Variants in EDIL3 observed in about 807,000 individuals in gnomAD.
EDIL3 encodes EGF like and discoidin domains 3, also known as EGF-like repeat and discoidin I-like domain-containing protein 3.
EDIL3 carries 37 observed loss-of-function variants against 67.4 expected under a neutral mutation model. That is an observed-to-expected ratio of 0.55 (90% confidence interval 0.42 to 0.72). The LOEUF (loss-of-function observed/expected upper bound fraction) is 0.72, where lower values mean the gene tolerates loss of function less well. Among genes scored for constraint, EDIL3 ranks in the 30% least tolerant of loss-of-function variants. The pLI is 0.00. For synonymous variants in EDIL3, 195 were observed against 196.3 expected (o/e 0.99, Z 0.05); for missense variants, 527 against 586.3 (o/e 0.90, Z 1.04).
intron 1 of EDIL3, 81 bp downstream of exon 1, chr5:84,384,227 C>A (rs1482879015): frequency 1.3e-6 from 2 of 1,503,426 alleles, no homozygotes; most frequent in African/African-American, 2.8e-5. Flanking sequence ...CCGGAGGGAC[C>A]GCCTCCGGCC....
intron 2 of EDIL3, among the ~76,000 whole-genome samples, chr5:84,236,855 G>T (rs567578996): frequency 6.6e-6 from 1 of 151,498 alleles, no homozygotes; most frequent in East Asian, 1.9e-4. Context: ...CAAATAAAAC[G>T]AAGAAACTTG....
chr5:84,048,536 G>T (rs1255909806), intron 9 of EDIL3, among the ~76,000 whole-genome samples: 1 of 151,872 alleles, frequency 6.6e-6, no homozygotes, highest in Non-Finnish European at 1.5e-5. Flanking sequence ...CTACTAATTT[G>T]GTTGAAATAC....
At chr5:84,309,290 T>G (rs1746332695) in intron 1 of EDIL3, among the ~76,000 whole-genome samples, 1 of 151,642 alleles carries the variant, frequency 6.6e-6, no homozygotes, top group Admixed American at 6.6e-5. Context: ...ATAAATGTTT[T>G]TCCTCTTTCT....
chr5:84,089,546 T>G (rs1747127904), intron 6 of EDIL3, among the ~76,000 whole-genome samples: 1 of 152,206 alleles, frequency 6.6e-6, no homozygotes, highest in South Asian at 2.1e-4. Flanking sequence ...ATTCAACAAT[T>G]ATTCCATTAA....
chr5:84,021,636 A>T (rs1294459937), intron 9 of EDIL3, among the ~76,000 whole-genome samples: 5 of 151,954 alleles, frequency 3.3e-5, no homozygotes. Context: ...GTCTATCAAG[A>T]ATGTTCTATG....
At chr5:84,205,039 T>A (rs1303545069) in intron 3 of EDIL3, among the ~76,000 whole-genome samples, 3 of 151,296 alleles carry the variant, frequency 2.0e-5, no homozygotes, top group Non-Finnish European at 2.9e-5. Context: ...CAGCCTCCCA[T>A]GTAGCTGGGA....
At chr5:83,964,088 C>T (rs959488143) in intron 9 of EDIL3, among the ~76,000 whole-genome samples, 1 of 151,640 alleles carries the variant, frequency 6.6e-6, no homozygotes, top group Admixed American at 6.6e-5. Flanking sequence ...GAGCATGAGA[C>T]CCATGAAAAT....
chr5:84,122,335 C>T (rs1370470084), intron 5 of EDIL3, among the ~76,000 whole-genome samples: 4 of 151,886 alleles, frequency 2.6e-5, no homozygotes, highest in Non-Finnish European at 4.4e-5. Context: ...GCATTTTGGC[C>T]TTAAAACAAC....
chr5:84,046,781 G>T (rs1002683656), intron 9 of EDIL3, among the ~76,000 whole-genome samples: 1 of 152,146 alleles, frequency 6.6e-6, no homozygotes, highest in South Asian at 2.1e-4. Flanking sequence ...AAATTCATTT[G>T]CACACACAGG....
At chr5:84,148,782 C>G (rs1205984145) in intron 4 of EDIL3, among the ~76,000 whole-genome samples, 2 of 152,080 alleles carry the variant, frequency 1.3e-5, no homozygotes, top group African/African-American at 4.8e-5. Context: ...GCTAAAAATG[C>G]TGTCTCCAAG....
chr5:84,090,506 T>A (rs1223508088), intron 6 of EDIL3, among the ~76,000 whole-genome samples: 1 of 152,190 alleles, frequency 6.6e-6, no homozygotes, highest in African/African-American at 2.4e-5. Context: ...CCGTTATGTG[T>A]TCCCCTGGGT....
intron 1 of EDIL3, among the ~76,000 whole-genome samples, chr5:84,371,951 T>C (rs1747864460): frequency 6.6e-6 from 1 of 152,152 alleles, no homozygotes; most frequent in Non-Finnish European, 1.5e-5. Context: ...ATGGATCCCA[T>C]CACTTTTTGA....
intron 4 of EDIL3, among the ~76,000 whole-genome samples, chr5:84,158,080 T>C (rs188768124): frequency 1.3e-5 from 2 of 152,208 alleles, no homozygotes; most frequent in Admixed American, 6.5e-5. Context: ...TTTTGTTATA[T>C]ATGAGGAAAG....
chr5:84,354,317 A>T (rs1561266388), intron 1 of EDIL3, among the ~76,000 whole-genome samples: 1 of 152,066 alleles, frequency 6.6e-6, no homozygotes, highest in Non-Finnish European at 1.5e-5. Context: ...GCTAAAAATA[A>T]TTTTTTAATA....
intron 1 of EDIL3, among the ~76,000 whole-genome samples, chr5:84,317,603 T>C (rs1746541924): frequency 1.3e-5 from 2 of 152,110 alleles, no homozygotes; most frequent in Admixed American, 6.5e-5. Context: ...CAATAATTAA[T>C]AGCCTACCAA....
In EDIL3 at chr5:84,384,320, G is replaced by A; in HGVS notation, c.55C>T (p.Gln19Ter). 2 of 1,610,768 alleles carry A rather than the reference G, an allele frequency of 1.2e-6. No individual in the cohort carries two copies. The highest frequency in any genetic ancestry group is 1.7e-6 in the Non-Finnish European group (2 of 1,178,606). The change falls in exon 1 of 11, where the codon CAG becomes TAG. Residue 19 changes from glutamine to a stop codon, truncating the protein, a stop_gained. Transcript: ENST00000296591. LOFTEE classifies it high-confidence loss of function. ...CCCGACGCCTTACCTTTGCCGAACT[G>A]GGGGACACCGAGGCTGAGCCCGACC... Reference protein sequence around the residue: ...LLVGLSLGVPQFGKGDICDPN... With the variant: ...LLVGLSLGVP
intron 9 of EDIL3, among the ~76,000 whole-genome samples, chr5:84,023,348 G>A (rs1183381855): frequency 6.6e-6 from 1 of 151,942 alleles, no homozygotes; most frequent in Non-Finnish European, 1.5e-5. Context: ...AATTACTTAT[G>A]ATGTATACAT....
intron 4 of EDIL3, among the ~76,000 whole-genome samples, chr5:84,168,023 T>C (rs2112345972): frequency 6.6e-6 from 1 of 152,318 alleles, no homozygotes; most frequent in African/African-American, 2.4e-5. Flanking sequence ...ATCTCCTGAA[T>C]ATCTAAGTCT....
chr5:84,004,025 T>A (rs1745374452), intron 9 of EDIL3, among the ~76,000 whole-genome samples: 1 of 151,168 alleles, frequency 6.6e-6, no homozygotes, highest in African/African-American at 2.4e-5. Flanking sequence ...GGGGTTGCTA[T>A]TCTTATTTCA....
Sources: gnomAD v4.1 joint callset for allele counts (sites outside exome capture counted in the v4.1 genomes callset) on GRCh38, gnomAD v4.1.1 for gene constraint, MANE v1.5 for transcripts, NCBI Gene and HGNC (gene_info 2026-07-23, HGNC 2026-07-21) for gene names.